PARD3: variants seen among roughly 807,000 people sequenced by gnomAD.
The protein encoded by PARD3 is par-3 family cell polarity regulator, also known as partitioning defective 3 homolog.
A neutral mutation model predicts 155.4 loss-of-function variants in PARD3; 75 were observed. That is an observed-to-expected ratio of 0.48 (90% CI 0.40 to 0.58). The LOEUF (loss-of-function observed/expected upper bound fraction) is 0.58. PARD3 is among the 20% of genes least tolerant of loss of function. The pLI is 0.00. For missense variants in PARD3, 1,642 were observed against 1,721.7 expected, an observed-to-expected ratio of 0.95 and a Z score of 0.82; for synonymous variants, 576 against 610.5, an observed-to-expected ratio of 0.94 and a Z score of 0.83.
chr10:34,690,968 T>C (rs1471125891), intron 2 of PARD3, among the ~76,000 whole-genome samples: 3 of 152,082 alleles, frequency 2.0e-5, no homozygotes, highest in Non-Finnish European at 2.9e-5. Context: ...GTCCCAGCAC[T>C]TTGGGAGGTC....
At chr10:34,416,439 G>C (rs1845684903) in intron 5 of PARD3, among the ~76,000 whole-genome samples, 1 of 152,160 alleles carries the variant, frequency 6.6e-6, no homozygotes, top group Admixed American at 6.5e-5. Context: ...TGAGTTTCCT[G>C]CTCAAAATGA....
At chr10:34,660,307 C>A (rs896811714) in intron 2 of PARD3, among the ~76,000 whole-genome samples, 4 of 152,060 alleles carry the variant, frequency 2.6e-5, no homozygotes, top group African/African-American at 9.7e-5. Flanking sequence ...TTAATTAAAG[C>A]TTATCTCAGG....
intron 2 of PARD3, among the ~76,000 whole-genome samples, chr10:34,599,681 A>G (rs1159539398): frequency 1.3e-5 from 2 of 152,214 alleles, no homozygotes; most frequent in Non-Finnish European, 2.9e-5. Context: ...CATAATTCGA[A>G]TGACCTTATG....
In PARD3 at chr10:34,591,895, G is replaced by A. The variant is rs148564842; in HGVS notation, c.223-74736C>T. 2.3e-3 allele frequency among the ~76,000 whole-genome samples: 350 copies of A among 152,216 alleles called. 2 individuals are homozygous for A. In the East Asian group the frequency reaches 0.026, roughly 11 times the overall value. ...GAGCCAACACAATCATGATTATCACGCCCTGTCCTCTATGCAGCTGCAGGC... is the reference window on the plus strand; with the variant it reads ...GAGCCAACACAATCATGATTATCACACCCTGTCCTCTATGCAGCTGCAGGC... On this transcript the variant is annotated intron_variant, in intron 2 of 24. Transcript: ENST00000374788.
intron 2 of PARD3, among the ~76,000 whole-genome samples, chr10:34,611,752 A>AATTTATTT (rs1160032643): frequency 4.0e-5 from 6 of 151,844 alleles, no homozygotes; most frequent in Non-Finnish European, 7.4e-5. Context: ...AAAACTGCTG[A>AATTTATTT]ATTTATTTTC....
chr10:34,285,099 T>C (rs548990469), intron 20 of PARD3, among the ~76,000 whole-genome samples: 1 of 152,326 alleles, frequency 6.6e-6, no homozygotes, highest in Non-Finnish European at 1.5e-5. Context: ...ATGCATGCAC[T>C]CTATATCCAT....
intron 22 of PARD3, among the ~76,000 whole-genome samples, chr10:34,181,657 G>A (rs568241505): frequency 6.6e-6 from 1 of 152,034 alleles, no homozygotes; most frequent in South Asian, 2.1e-4. Context: ...TAACACTAGA[G>A]GTCTCCTGCT....
At chr10:34,671,431 C>T (rs1022508156) in intron 2 of PARD3, among the ~76,000 whole-genome samples, 1 of 152,014 alleles carries the variant, frequency 6.6e-6, no homozygotes, top group Admixed American at 6.6e-5. Context: ...TTCATCTAGG[C>T]CACAACGTTG....
chr10:34,450,850 A>T lies in PARD3; in HGVS notation c.583-402T>A, dbSNP rs1328726684. ...TCTCATAATTAAATTATGAGGTACC[A>T]TCTTAATTCATCAGAAATGCTAAAA... is the stretch of plus-strand genomic sequence containing the variant. On this transcript the variant is annotated intron_variant, in intron 4 of 24. Transcript: ENST00000374788. 4.6e-5 allele frequency among the ~76,000 whole-genome samples: 7 copies of T among 152,328 alleles called. No individual in the cohort carries two copies. In the South Asian group the frequency reaches 6.2e-4, roughly 14 times the overall value.
intron 2 of PARD3, among the ~76,000 whole-genome samples, chr10:34,576,223 T>C (rs2086875888): frequency 6.6e-6 from 1 of 152,186 alleles, no homozygotes. Flanking sequence ...TCCACTTAGA[T>C]GCTGTGGAGG....
intron 22 of PARD3, among the ~76,000 whole-genome samples, chr10:34,226,008 G>T (rs955418224): frequency 6.6e-6 from 1 of 152,024 alleles, no homozygotes; most frequent in Non-Finnish European, 1.5e-5. Context: ...ACAAGTCCCA[G>T]ACTGGGAGAA....
chr10:34,513,077 T>C (rs1028852513), intron 3 of PARD3, among the ~76,000 whole-genome samples: 1 of 152,212 alleles, frequency 6.6e-6, no homozygotes, highest in Non-Finnish European at 1.5e-5. Flanking sequence ...TTCATACTCA[T>C]TTTTTGTCTT....
intron 9 of PARD3, among the ~76,000 whole-genome samples, chr10:34,380,319 T>C (rs1589372709): frequency 6.6e-6 from 1 of 152,236 alleles, no homozygotes; most frequent in East Asian, 1.9e-4. Context: ...TGGGACTCTA[T>C]ATCATTAAGA....
chr10:34,743,432 C>T (rs1436188850), intron 1 of PARD3, among the ~76,000 whole-genome samples: 6 of 152,136 alleles, frequency 3.9e-5, no homozygotes, highest in Non-Finnish European at 8.8e-5. Flanking sequence ...GAATGTGGGA[C>T]GCATCTATCC....
chr10:34,278,939 C>T (rs919296962), intron 21 of PARD3, among the ~76,000 whole-genome samples: 1 of 152,140 alleles, frequency 6.6e-6, no homozygotes, highest in Non-Finnish European at 1.5e-5. Context: ...AAGTAATGTT[C>T]AGGCTTTCAT....
At chr10:34,673,573 C>A (rs775258759) in intron 2 of PARD3, among the ~76,000 whole-genome samples, 1 of 152,158 alleles carries the variant, frequency 6.6e-6, no homozygotes, top group African/African-American at 2.4e-5. Flanking sequence ...ACAAACTTAT[C>A]AAGAACACAT....
intron 2 of PARD3, among the ~76,000 whole-genome samples, chr10:34,613,321 A>T (rs1337698352): frequency 6.6e-6 from 1 of 152,270 alleles, no homozygotes; most frequent in South Asian, 2.1e-4. Flanking sequence ...TTTTAGTATC[A>T]CCTTTCTTAG....
At chr10:34,185,455 G>C (rs1950443263) in intron 22 of PARD3, among the ~76,000 whole-genome samples, 1 of 152,122 alleles carries the variant, frequency 6.6e-6, no homozygotes, top group Admixed American at 6.6e-5. Flanking sequence ...TAGTCTTCAT[G>C]TATATTAAAA....
intron 23 of PARD3, among the ~76,000 whole-genome samples, chr10:34,129,254 G>A (rs1456326403): frequency 6.6e-6 from 1 of 152,168 alleles, no homozygotes; most frequent in African/African-American, 2.4e-5. Flanking sequence ...CCGGGTTCAA[G>A]TGATTCTTCT....
Sources: allele counts gnomAD v4.1 joint callset (sites outside exome capture counted in the v4.1 genomes callset), GRCh38; gene constraint gnomAD v4.1.1; transcripts MANE v1.5; gene names NCBI Gene and HGNC (gene_info 2026-07-23, HGNC 2026-07-21).